The following ST6GALNAC3 variants were observed in gnomAD, a reference collection of about 807,000 sequenced individuals.
The protein encoded by ST6GALNAC3 is alpha-N-acetylgalactosaminide alpha-2,6-sialyltransferase 3.
In ST6GALNAC3, 25 loss-of-function variants were observed where a neutral mutation model predicts 32.7. The ratio of observed to expected loss-of-function variants is 0.76; its 90% CI spans 0.56 to 1.07. The LOEUF (loss-of-function observed/expected upper bound fraction) is 1.07. Ranked by LOEUF, ST6GALNAC3 falls within the 50% of genes least tolerant of loss-of-function variation. The pLI, the probability that ST6GALNAC3 is intolerant of heterozygous loss-of-function variation, is 0.00. For missense variants in ST6GALNAC3, 355 were observed against 382.4 expected (o/e 0.93, Z 0.60); for synonymous variants, 129 against 133.1 (o/e 0.97, Z 0.21).
At chr1:76,290,450 T>C (rs1660021032) in intron 1 of ST6GALNAC3, among the ~76,000 whole-genome samples, 1 of 152,230 alleles carries the variant, frequency 6.6e-6, no homozygotes, top group African/African-American at 2.4e-5. Context: ...TATTTAGCCA[T>C]CTTACTTTCT....
Position 76,313,878 on chromosome 1 carries a change from T to G in ST6GALNAC3, c.92T>G (p.Val31Gly), listed in dbSNP as rs751503000. The stretch of plus-strand genomic sequence containing the variant: ...CTGGTTGTGCGTCTTGTAAATGAAG[T>G]GAATTTCCCATTGCTACTAAACTGC... ...FLLVVRLVNE[V>G]NFPLLLNCFG... The change falls in exon 2 of 5, where the codon GTG (valine) becomes GGG (glycine). Residue 31 changes from valine to glycine, a missense_variant. Coordinates refer to ENST00000328299, the MANE Select transcript of ST6GALNAC3 (RefSeq NM_152996.4). 2 of 1,613,656 alleles carry G rather than the reference T, an allele frequency of 1.2e-6. No individual in the cohort carries two copies. Among genetic ancestry groups the G allele is most frequent in the South Asian group, 2.2e-5 (2 of 91,064 alleles).
intron 3 of ST6GALNAC3, among the ~76,000 whole-genome samples, chr1:76,522,737 A>G (rs970376017): frequency 3.9e-5 from 6 of 152,210 alleles, no homozygotes; most frequent in African/African-American, 1.2e-4. Context: ...GTCATGAAAG[A>G]CATTTCATGT....
chr1:76,406,167 A>G (rs1225649687), intron 2 of ST6GALNAC3, among the ~76,000 whole-genome samples: 1 of 152,094 alleles, frequency 6.6e-6, no homozygotes, highest in African/African-American at 2.4e-5. Flanking sequence ...ATAGAAGAGA[A>G]GAGCCATTCA....
chr1:76,110,344 T>G (rs2100800475), intron 1 of ST6GALNAC3, among the ~76,000 whole-genome samples: 1 of 152,370 alleles, frequency 6.6e-6, no homozygotes, highest in African/African-American at 2.4e-5. Context: ...GTTAGAAGAC[T>G]TTGACTTCTT....
intron 1 of ST6GALNAC3, among the ~76,000 whole-genome samples, chr1:76,186,331 G>C (rs909269742): frequency 2.6e-5 from 4 of 152,166 alleles, no homozygotes; most frequent in African/African-American, 9.7e-5. Context: ...GTCCATGGTG[G>C]AAAGAAGCAG....
chr1:76,386,860 G>C (rs1652134868), intron 2 of ST6GALNAC3, among the ~76,000 whole-genome samples: 1 of 152,134 alleles, frequency 6.6e-6, no homozygotes, highest in Non-Finnish European at 1.5e-5. Flanking sequence ...AGATATGATA[G>C]ATGGCTGACA....
At chr1:76,355,229 C>T (rs535793521) in intron 2 of ST6GALNAC3, among the ~76,000 whole-genome samples, 4 of 152,062 alleles carry the variant, frequency 2.6e-5, no homozygotes, top group Admixed American at 6.5e-5. Flanking sequence ...AGCTTTGGGC[C>T]AATGAGCAGT....
intron 1 of ST6GALNAC3, among the ~76,000 whole-genome samples, chr1:76,284,121 T>C (rs1195964583): frequency 6.6e-6 from 1 of 152,196 alleles, no homozygotes; most frequent in Non-Finnish European, 1.5e-5. Context: ...TACTATTAGA[T>C]TTGTAAGTTT....
chr1:76,633,074 A>G lies in ST6GALNAC3; in HGVS notation c.*4268A>G, dbSNP rs1366765896. 1 of 152,212 alleles carries G rather than the reference A, an allele frequency of 6.6e-6. No homozygotes were observed. Among genetic ancestry groups the G allele is most frequent in the East Asian group, 1.9e-4 (1 of 5,194 alleles). The allele number at this position is 152,212 out of a possible 1,614,324, so 9.4% of individuals were successfully genotyped here. On this transcript the variant is annotated 3_prime_UTR_variant, in exon 5 of 5. Transcript: ENST00000328299. Reference sequence around the variant, plus strand: ...GCTTTTAGAGCTGAAAGAGATTTTAAAGACCAGCCAATTCAACTCCTACAC... The same window carrying G: ...GCTTTTAGAGCTGAAAGAGATTTTAGAGACCAGCCAATTCAACTCCTACAC...
At chr1:76,255,172 A>G (rs1387384138) in intron 1 of ST6GALNAC3, among the ~76,000 whole-genome samples, 1 of 152,010 alleles carries the variant, frequency 6.6e-6, no homozygotes, top group Non-Finnish European at 1.5e-5. Flanking sequence ...AATTTTATTC[A>G]ATGAATGTTT....
intron 1 of ST6GALNAC3, among the ~76,000 whole-genome samples, chr1:76,238,692 A>G (rs1656797114): frequency 6.6e-6 from 1 of 152,142 alleles, no homozygotes; most frequent in Non-Finnish European, 1.5e-5. Context: ...CTTTTATTAA[A>G]GCGAGGAAAT....
chr1:76,563,814 T>C (rs1665389458), intron 3 of ST6GALNAC3, among the ~76,000 whole-genome samples: 2 of 152,214 alleles, frequency 1.3e-5, no homozygotes, highest in African/African-American at 4.8e-5. Flanking sequence ...GCCTAGCATA[T>C]ATGAGAGTGC....
chr1:76,620,684 A>C (rs1448278953), intron 3 of ST6GALNAC3, among the ~76,000 whole-genome samples: 1 of 152,012 alleles, frequency 6.6e-6, no homozygotes, highest in Non-Finnish European at 1.5e-5. Flanking sequence ...AATCTCATGT[A>C]AAGCTAATTA....
intron 3 of ST6GALNAC3, among the ~76,000 whole-genome samples, chr1:76,442,195 G>A (rs761354250): frequency 9.2e-5 from 14 of 152,040 alleles, no homozygotes; most frequent in Non-Finnish European, 1.8e-4. Flanking sequence ...TCAATGATTA[G>A]TCAACTCTAA....
chr1:76,238,504 A>G lies in ST6GALNAC3; in HGVS notation c.19-75301A>G, dbSNP rs979816871. ...TATTTTTCCCGCTATGCCCAGGGCT[A>G]GGCACTGGACATTCCGAGACATACT... On this transcript the variant is annotated intron_variant, in intron 1 of 4. Coordinates refer to ENST00000328299, the MANE Select transcript of ST6GALNAC3 (RefSeq NM_152996.4). 2.0e-5 allele frequency among the ~76,000 whole-genome samples: 3 copies of G among 152,152 alleles called. No homozygotes were observed. The East Asian group carries it at 5.8e-4, about 29-fold the overall frequency.
chr1:76,506,882 A>T (rs1360381557), intron 3 of ST6GALNAC3, among the ~76,000 whole-genome samples: 1 of 152,242 alleles, frequency 6.6e-6, no homozygotes, highest in South Asian at 2.1e-4. Context: ...GAATGTTGAC[A>T]TAGTGGAGTG....
intron 3 of ST6GALNAC3, among the ~76,000 whole-genome samples, chr1:76,465,796 T>C (rs1453157632): frequency 6.6e-6 from 1 of 152,030 alleles, no homozygotes; most frequent in East Asian, 1.9e-4. Flanking sequence ...CCTTTTATTT[T>C]CTCCACAATG....
At chr1:76,238,469 T>G (rs1656781307) in intron 1 of ST6GALNAC3, among the ~76,000 whole-genome samples, 1 of 152,106 alleles carries the variant, frequency 6.6e-6, no homozygotes, top group South Asian at 2.1e-4. Flanking sequence ...CCACAGACAT[T>G]TGTTGAGGGT....
chr1:76,404,225 CT>C (rs1383591023), intron 2 of ST6GALNAC3, among the ~76,000 whole-genome samples: 1 of 152,024 alleles, frequency 6.6e-6, no homozygotes, highest in Non-Finnish European at 1.5e-5. Context: ...TCAAATCTGT[CT>C]TTTTATGTGC....
Sources: gnomAD v4.1 joint callset for allele counts (sites outside exome capture counted in the v4.1 genomes callset) on GRCh38, gnomAD v4.1.1 for gene constraint, MANE v1.5 for transcripts, NCBI Gene and HGNC (gene_info 2026-07-23, HGNC 2026-07-21) for gene names.